GPM6A: variants seen among roughly 807,000 people sequenced by gnomAD.
GPM6A encodes the protein glycoprotein M6A, also known as neuronal membrane glycoprotein M6-a.
GPM6A carries 7 observed loss-of-function variants against 32.1 expected under a neutral mutation model. The observed-to-expected ratio is 0.22, with a 90% confidence interval of 0.12 to 0.41. GPM6A has a LOEUF of 0.41. Ranked by LOEUF, GPM6A falls within the 10% of genes least tolerant of loss-of-function variation. The probability of loss-of-function intolerance (pLI) is 1.00; values close to 1 mark genes in which losing one functional copy is unlikely to be tolerated. For missense variants in GPM6A, 235 were observed against 347.2 expected (o/e 0.68, Z 2.57); for synonymous variants, 130 against 123.4 (o/e 1.05, Z -0.35).
intron 1 of GPM6A, among the ~76,000 whole-genome samples, chr4:175,891,999 T>C (rs905226964): frequency 6.6e-6 from 1 of 152,210 alleles, no homozygotes. Context: ...TTATCTTGCA[T>C]GTTGTATGTG....
At chr4:175,980,639 T>A (rs1190647389) in intron 1 of GPM6A, among the ~76,000 whole-genome samples, 1 of 152,224 alleles carries the variant, frequency 6.6e-6, no homozygotes, top group Non-Finnish European at 1.5e-5. Flanking sequence ...TGTTTCCAAA[T>A]TCTGCTGGGT....
chr4:175,718,731 T>A (rs959958751), intron 1 of GPM6A, among the ~76,000 whole-genome samples: 3 of 152,036 alleles, frequency 2.0e-5, no homozygotes, highest in Non-Finnish European at 2.9e-5. Context: ...AAAGCACCAG[T>A]GTAAAAAGGC....
chr4:175,708,363 T>TTTTTTTTA (rs1553978386), intron 1 of GPM6A, among the ~76,000 whole-genome samples: 13 of 142,208 alleles, frequency 9.1e-5, no homozygotes, highest in Admixed American at 2.1e-4. Context: ...AGAAGGTTTA[T>TTTTTTTTA]TTTATTTATT....
Position 175,651,967 on chromosome 4 carries a change from A to G in GPM6A, c.408T>C (p.Leu136=). The change falls in exon 4 of 7, where the codon CTT becomes CTC. Residue 136 remains leucine, a synonymous_variant. Transcript: ENST00000393658. ...VSAWFIMLTY[L]FMLAWLGVTA... ...TGACTCCCAGCCAGGCCAACATGAA[A>G]AGATATGTCAGCATAATGAACTGCA... 6.2e-7 allele frequency: 1 copy of G among 1,612,736 alleles called. No homozygotes were observed. The highest frequency in any genetic ancestry group is 8.5e-7 in the Non-Finnish European group (1 of 1,179,364).
chr4:175,901,171 G>A (rs1737955677), intron 1 of GPM6A, among the ~76,000 whole-genome samples: 1 of 151,444 alleles, frequency 6.6e-6, no homozygotes, highest in South Asian at 2.1e-4. Context: ...AGCAGAGGTG[G>A]GGGTGGTTAA....
intron 2 of GPM6A, among the ~76,000 whole-genome samples, chr4:175,687,073 C>T (rs1402830333): frequency 6.6e-6 from 1 of 152,170 alleles, no homozygotes; most frequent in Non-Finnish European, 1.5e-5. Context: ...TACCAGACTT[C>T]AGAACAGAGT....
At chr4:176,002,188 G>C (rs1485271800) in intron 1 of GPM6A, 21 of 1,110,714 alleles carry the variant, frequency 1.9e-5, no homozygotes, top group East Asian at 1.5e-4. Context: ...CGCCAGGCGC[G>C]GGGGGAACAG....
chr4:175,711,457 T>TATACACACAC (rs1303046650), intron 1 of GPM6A, among the ~76,000 whole-genome samples: 5 of 28,002 alleles, frequency 1.8e-4, no homozygotes, highest in African/African-American at 4.2e-4. Context: ...TATATATATA[T>TATACACACAC]ACACACACAT....
chr4:175,787,672 T>C, intron 1 of GPM6A: 1 of 1,051,168 alleles, frequency 9.5e-7, no homozygotes, highest in Middle Eastern at 4.0e-4. Context: ...AAATTTAATA[T>C]ATGCAAGACA....
intron 1 of GPM6A, among the ~76,000 whole-genome samples, chr4:175,919,366 G>C (rs1373596926): frequency 6.6e-6 from 1 of 152,072 alleles, no homozygotes; most frequent in Non-Finnish European, 1.5e-5. Flanking sequence ...TTTTAATCCA[G>C]CAAGATCCCC....
chr4:175,811,961 C>G, intron 1 of GPM6A: 1 of 425,260 alleles, frequency 2.4e-6, no homozygotes. Flanking sequence ...CAATGCTCTT[C>G]TCACTAATAC....
At chr4:175,802,789 C>T (rs1734521840) in intron 1 of GPM6A, among the ~76,000 whole-genome samples, 1 of 151,980 alleles carries the variant, frequency 6.6e-6, no homozygotes, top group Non-Finnish European at 1.5e-5. Context: ...TTTCAGTAAC[C>T]ATTTGCTGAA....
At chr4:175,744,156 CAAT>C (rs1445200788) in intron 1 of GPM6A, among the ~76,000 whole-genome samples, 1 of 152,048 alleles carries the variant, frequency 6.6e-6, no homozygotes, top group African/African-American at 2.4e-5. Context: ...TTGAAATATA[CAAT>C]GTTTCCTCAC....
At chr4:175,944,652 A>G (rs1739529723) in intron 1 of GPM6A, among the ~76,000 whole-genome samples, 1 of 152,208 alleles carries the variant, frequency 6.6e-6, no homozygotes, top group Admixed American at 6.5e-5. Context: ...CCTCATTTTC[A>G]TAGGGCTGTA....
At chr4:175,973,727 TAAG>T (rs1459698336) in intron 1 of GPM6A, among the ~76,000 whole-genome samples, 1 of 152,204 alleles carries the variant, frequency 6.6e-6, no homozygotes, top group East Asian at 1.9e-4. Context: ...GTGAAATGGC[TAAG>T]AAGGGTCTAG....
intron 1 of GPM6A, among the ~76,000 whole-genome samples, chr4:175,766,194 A>T (rs962296424): frequency 6.6e-6 from 1 of 152,212 alleles, no homozygotes; most frequent in African/African-American, 2.4e-5. Flanking sequence ...AGTCAATGTT[A>T]TTCTTTGATC....
At chr4:175,752,011 A>AT (rs1389908182) in intron 1 of GPM6A, among the ~76,000 whole-genome samples, 2 of 152,240 alleles carry the variant, frequency 1.3e-5, no homozygotes, top group East Asian at 3.9e-4. Context: ...CTTCCCTGGC[A>AT]TTTTTTATCC....
At chr4:175,744,925 T>G (rs904275031) in intron 1 of GPM6A, among the ~76,000 whole-genome samples, 14 of 152,226 alleles carry the variant, frequency 9.2e-5, no homozygotes, top group Admixed American at 6.5e-4. Context: ...TTGCAGGAAA[T>G]ATAAATTGTT....
At chr4:175,950,489 C>T (rs1739771231) in intron 1 of GPM6A, among the ~76,000 whole-genome samples, 1 of 152,024 alleles carries the variant, frequency 6.6e-6, no homozygotes, top group Non-Finnish European at 1.5e-5. Flanking sequence ...CTTAAATATT[C>T]CAGGTTTAAC....
Sources: allele counts gnomAD v4.1 joint callset (sites outside exome capture counted in the v4.1 genomes callset), GRCh38; gene constraint gnomAD v4.1.1; transcripts MANE v1.5; gene names NCBI Gene and HGNC (gene_info 2026-07-23, HGNC 2026-07-21).